Variants in TRAF4 observed in about 807,000 individuals in gnomAD.
The protein encoded by TRAF4 is TNF receptor associated factor 4, also known as TNF receptor-associated factor 4.
TRAF4 carries 9 observed loss-of-function variants against 47.3 expected under a neutral mutation model. The observed-to-expected ratio is 0.19, with a 90% CI of 0.11 to 0.33. TRAF4 has a LOEUF of 0.33. Ranked by LOEUF, TRAF4 falls within the 10% of genes least tolerant of loss-of-function variation. The probability of loss-of-function intolerance (pLI) is 1.00; values close to 1 mark genes in which losing one functional copy is unlikely to be tolerated. For synonymous variants in TRAF4, 236 were observed against 236.9 expected (o/e 1.00, Z 0.04); for missense variants, 448 against 620.3 (o/e 0.72, Z 2.95).
Position 28,749,368 on chromosome 17 carries a change from C to T in TRAF4, c.1204C>T (p.Gln402Ter), listed in dbSNP as rs757983232. Residue 402 changes from glutamine (Q) to a stop codon, truncating the protein, a stop_gained, in exon 7 of 7, where the codon CAG becomes TAG. Transcript: ENST00000262395. LOFTEE classifies it high-confidence loss of function. ...DQSDPGLAKPQHVTETFHPDP... is the reference protein window; with the variant it reads ...DQSDPGLAKP ...GAGCGACCCTGGGCTGGCTAAACCACAGCACGTCACTGAGACCTTCCACCC... is the reference window on the plus strand; with the variant it reads ...GAGCGACCCTGGGCTGGCTAAACCATAGCACGTCACTGAGACCTTCCACCC... 1 of 1,613,936 alleles carries T rather than the reference C, an allele frequency of 6.2e-7. No homozygotes were observed. Among genetic ancestry groups the T allele is most frequent in the South Asian group, 1.1e-5 (1 of 91,090 alleles).
intron 1 of TRAF4, 95 bp downstream of exon 1, chr17:28,744,350 C>T (rs1334419916): frequency 7.1e-7 from 1 of 1,411,946 alleles, no homozygotes; most frequent in African/African-American, 1.5e-5. Flanking sequence ...GGGCCTTTGT[C>T]TGCGCTGCGA....
chr17:28,749,148 C>T lies in TRAF4; in HGVS notation c.984C>T (p.Pro328=). The T allele has an allele frequency of 1.9e-6, 3 of 1,614,108 alleles. No homozygotes were observed. Among genetic ancestry groups the T allele is most frequent in the Non-Finnish European group, 2.5e-6 (3 of 1,180,050 alleles). ...GRRLQEAKAK[P]NLECFSPAFY... is the part of the protein sequence containing the mutation. ...GGCTACAGGAGGCCAAGGCCAAGCC[C>T]AACCTTGAGTGCTTCAGCCCAGCCT... The change falls in exon 7 of 7, where the codon CCC becomes CCT. Residue 328 remains proline (P), a synonymous_variant. Transcript: ENST00000262395.
chr17:28,749,704 C>A lies in TRAF4; in HGVS notation c.*127C>A. 6.8e-7 allele frequency: 1 copy of A among 1,466,818 alleles called. No individual in the cohort carries two copies. The highest frequency in any genetic ancestry group is 1.2e-5 in the South Asian group (1 of 82,450). 90.9% of individuals were successfully genotyped at this position (1,466,818 alleles called of 1,614,324 possible). On this transcript the variant is annotated 3_prime_UTR_variant, in exon 7 of 7. Coordinates refer to ENST00000262395, the MANE Select transcript of TRAF4 (RefSeq NM_004295.4). The stretch of plus-strand genomic sequence containing the variant: ...GCCTAGGTTCTGTTACCCCATCCTC[C>A]CTCCCCCAGCCACCACCCTCAGGTG...
At position 28,749,571 on chromosome 17, in the gene TRAF4, C is replaced by A; in HGVS notation, c.1407C>A (p.Leu469=). Residue 469 remains leucine (L), a synonymous_variant, in exon 7 of 7, where the codon CTC becomes CTA. Coordinates refer to ENST00000262395, the MANE Select transcript of TRAF4 (RefSeq NM_004295.4). ...CTGTTGAACTGCCCCGGAAGATCCT[C>A]AGCTGAGTGCAGGTGGGGTTCGAGG... ...RAAVELPRKI[L]S 6.2e-7 allele frequency: 1 copy of A among 1,610,476 alleles called. No individual in the cohort carries two copies.
chr17:28,750,223 ATG>A lies in TRAF4; in HGVS notation c.*647_*648del, dbSNP rs1349523540. On this transcript the variant is annotated 3_prime_UTR_variant, in exon 7 of 7. Transcript: ENST00000262395. The stretch of plus-strand genomic sequence containing the variant: ...AGCTTACCTGCTGGCTCGCCCTCTG[ATG>A]GACGCCGGGAAAACTGCATCGGGCT... 9.1e-6 allele frequency: 3 copies of A among 329,748 alleles called. No homozygotes were observed. The highest frequency in any genetic ancestry group is 6.4e-5 in the African/African-American group (3 of 46,546). The allele number at this position is 329,748 out of a possible 1,614,324, so 20.4% of individuals were successfully genotyped here.
chr17:28,747,175 T>C, intron 1 of TRAF4, 38 bp from the exon 2 acceptor site: 3 of 1,606,882 alleles, frequency 1.9e-6, no homozygotes, highest in Non-Finnish European at 2.6e-6. Flanking sequence ...CCCTTTCCCC[T>C]AATGAGAAAC....
Position 28,749,327 on chromosome 17 carries a change from T to C in TRAF4, c.1163T>C (p.Phe388Ser). 1 of 1,614,064 alleles carries C rather than the reference T, an allele frequency of 6.2e-7. No individual in the cohort carries two copies. Among genetic ancestry groups the C allele is most frequent in the Non-Finnish European group, 8.5e-7 (1 of 1,180,030 alleles). ...LEWPFARRVTFSLLDQSDPGL... is the reference protein window; with the variant it reads ...LEWPFARRVTSSLLDQSDPGL... ...TGGCCCTTTGCCCGCCGTGTCACCT[T>C]CTCCCTGCTGGATCAGAGCGACCCT... The change falls in exon 7 of 7, where the codon TTC becomes TCC. Residue 388 changes from phenylalanine to serine, a missense_variant. Coordinates refer to ENST00000262395, the MANE Select transcript of TRAF4 (RefSeq NM_004295.4).
chr17:28,748,498 T>G lies in TRAF4; in HGVS notation c.625-13T>G, dbSNP rs137945668. ...GGATATTGACTCCTGCCTCTCTACT[T>G]CTGTGGCCCCAGAGCCACCAGTACC... On this transcript the variant is annotated splice_polypyrimidine_tract_variant and intron_variant, in intron 5 of 6. Transcript: ENST00000262395. 6.2e-7 allele frequency: 1 copy of G among 1,611,930 alleles called. No homozygotes were observed.
In TRAF4 at chr17:28,748,585, G is replaced by C. The variant is rs757262772; in HGVS notation, c.699G>C (p.Glu233Asp). The C allele has an allele frequency of 6.2e-7, 1 of 1,613,278 alleles. No homozygotes were observed. Among genetic ancestry groups the C allele is most frequent in the South Asian group, 1.1e-5 (1 of 91,066 alleles). Residue 233 changes from glutamate (E) to aspartate (D), a missense_variant, in exon 6 of 7, where the codon GAG (glutamate) becomes GAC (aspartate). Coordinates refer to ENST00000262395, the MANE Select transcript of TRAF4 (RefSeq NM_004295.4). ...NQCGVGTVAR[E>D]DLPGHLKDSC... ...GTGGTGTGGGCACTGTGGCTCGGGA[G>C]GACCTGCCAGGCCATCTGAAGGACA...
Position 28,747,864 on chromosome 17 carries a change from G to A in TRAF4, c.217G>A (p.Glu73Lys). 1 of 1,613,858 alleles carries A rather than the reference G, an allele frequency of 6.2e-7. No homozygotes were observed. The stretch of plus-strand genomic sequence containing the variant: ...CCAGATCTACCCAGACCCGGAGCTG[G>A]AAGTACAAGTATTGGGCCTGCCTAT... ...YAKIYPDPELEVQVLGLPIRC... is the reference protein window; with the variant it reads ...YAKIYPDPELKVQVLGLPIRC... The change falls in exon 3 of 7, where the codon GAA becomes AAA. Residue 73 changes from glutamate (E) to lysine (K), a missense_variant. Physicochemically the swap from Glu to Lys is moderately conservative, Grantham distance 56 (BLOSUM62 1). Coordinates refer to ENST00000262395, the MANE Select transcript of TRAF4 (RefSeq NM_004295.4).
intron 1 of TRAF4, chr17:28,746,931 C>G: frequency 2.7e-6 from 1 of 368,272 alleles, no homozygotes; most frequent in Non-Finnish European, 4.9e-6. Context: ...AGCTGCCATC[C>G]TGGGGGAGGG....
At position 28,747,224 on chromosome 17, in the gene TRAF4, T is replaced by G; in HGVS notation, c.155T>G (p.Phe52Cys). 6.2e-7 allele frequency: 1 copy of G among 1,613,780 alleles called. No individual in the cohort carries two copies. The highest frequency in any genetic ancestry group is 8.5e-7 in the Non-Finnish European group (1 of 1,179,850). ...CTCCCCCATTTCAGTGAAGGAGTCT[T>G]CAAGTGCCCTGAGGACCAGCTTCCT... Reference protein sequence around the residue: ...CLQEFLSEGVFKCPEDQLPLD... With the variant: ...CLQEFLSEGVCKCPEDQLPLD... The change falls in exon 2 of 7, where the codon TTC becomes TGC. Residue 52 changes from phenylalanine (F) to cysteine (C), a missense_variant. By Grantham distance (205) the Phe-to-Cys change is radical. Coordinates refer to ENST00000262395, the MANE Select transcript of TRAF4 (RefSeq NM_004295.4).
At position 28,748,465 on chromosome 17, in the gene TRAF4, G is replaced by A. The variant is rs777987790; in HGVS notation, c.624+42G>A. 2.1e-5 allele frequency: 33 copies of A among 1,607,482 alleles called. No individual in the cohort carries two copies. The East Asian group carries it at 4.7e-4, about 23-fold the overall frequency. Reference sequence around the variant, plus strand: ...ACTGTGGGTTGCAGGGTAGGTGACAGGTAGTCAGGATATTGACTCCTGCCT... The same window carrying A: ...ACTGTGGGTTGCAGGGTAGGTGACAAGTAGTCAGGATATTGACTCCTGCCT... On this transcript the variant is annotated intron_variant, in intron 5 of 6. Transcript: ENST00000262395.
In TRAF4 at chr17:28,749,241, G is replaced by A. The variant is rs1040226474; in HGVS notation, c.1077G>A (p.Glu359=). The A allele has an allele frequency of 4.3e-6, 7 of 1,613,970 alleles. No homozygotes were observed. The highest frequency in any genetic ancestry group is 1.3e-5 in the African/African-American group (1 of 74,944). ...SAFLNGNGSG[E]GTHLSLYIRV... is the part of the protein sequence containing the mutation. ...TCCTCAATGGCAATGGCAGTGGTGA[G>A]GGCACACACCTCTCACTGTACATTC... The change falls in exon 7 of 7, where the codon GAG becomes GAA. Residue 359 remains glutamate (E), a synonymous_variant. Coordinates refer to ENST00000262395, the MANE Select transcript of TRAF4 (RefSeq NM_004295.4).
At chr17:28,746,154 T>G (rs2034509560) in intron 1 of TRAF4, among the ~76,000 whole-genome samples, 1 of 152,236 alleles carries the variant, frequency 6.6e-6, no homozygotes, top group Non-Finnish European at 1.5e-5. Context: ...CCTCTAGAAC[T>G]GGGCTCCCAT....
At chr17:28,747,585 G>T in intron 2 of TRAF4, 2 of 585,818 alleles carry the variant, frequency 3.4e-6, no homozygotes, top group African/African-American at 1.9e-5. Flanking sequence ...AGGAAGCAGA[G>T]CCCCAGGGAC....
At position 28,750,313 on chromosome 17, in the gene TRAF4, A is replaced by G. The variant is rs3181215; in HGVS notation, c.*736A>G. ...ATGAAATGCGGGAAGTGTATGGCCTAGATGTTTCATAAGGCTGGAGTCCCT... is the reference window on the plus strand; with the variant it reads ...ATGAAATGCGGGAAGTGTATGGCCTGGATGTTTCATAAGGCTGGAGTCCCT... On this transcript the variant is annotated 3_prime_UTR_variant, in exon 7 of 7. Coordinates refer to ENST00000262395, the MANE Select transcript of TRAF4 (RefSeq NM_004295.4). 48,283 of 190,696 alleles carry G rather than the reference A, an allele frequency of 0.25. 6,806 individuals carry two copies. The highest frequency in any genetic ancestry group is 0.38 in the African/African-American group (16,359 of 42,562). The allele number at this position is 190,696 out of a possible 1,614,324, so 11.8% of individuals were successfully genotyped here. A position where few individuals can be genotyped will look rare whatever the true frequency, so the allele number is the denominator to read the frequency against.
rs1170594816 is a variant in TRAF4 at position 28,748,130 on chromosome 17, C to T, written c.414C>T (p.Arg138=). ...AHLQHDCPKR[R]LKCEFCGCDF... is the part of the protein sequence containing the mutation. ...TGCAGCATGACTGCCCCAAGCGGCG[C>T]CTCAAGTGCGAGTTTTGTGGCTGTG... The change falls in exon 4 of 7, where the codon CGC becomes CGT. Residue 138 remains arginine, a synonymous_variant. Transcript: ENST00000262395. 3.1e-6 allele frequency: 5 copies of T among 1,613,958 alleles called. No individual in the cohort carries two copies. The highest frequency in any genetic ancestry group is 2.2e-5 in the East Asian group (1 of 44,876).
Position 28,749,003 on chromosome 17 carries a change from T to A in TRAF4, c.839T>A (p.Met280Lys). 6.2e-7 allele frequency: 1 copy of A among 1,613,680 alleles called. No individual in the cohort carries two copies. Among genetic ancestry groups the A allele is most frequent in the Non-Finnish European group, 8.5e-7 (1 of 1,180,022 alleles). The change falls in exon 7 of 7, where the codon ATG (methionine) becomes AAG (lysine). Residue 280 changes from methionine to lysine, a missense_variant. Physicochemically the swap from Met to Lys is moderately conservative, Grantham distance 95. Coordinates refer to ENST00000262395, the MANE Select transcript of TRAF4 (RefSeq NM_004295.4). ...VEESVKPHLA[M>K]MCALVSRQRQ... is the part of the protein sequence containing the mutation. ...GAGAGTGTGAAGCCACATCTGGCCA[T>A]GATGTGTGCCCTGGTGAGCCGGCAA...
Sources: gnomAD v4.1 joint callset for allele counts (sites outside exome capture counted in the v4.1 genomes callset) on GRCh38, gnomAD v4.1.1 for gene constraint, MANE v1.5 for transcripts, NCBI Gene and HGNC (gene_info 2026-07-23, HGNC 2026-07-21) for gene names.